The following CNTN5 variants were observed in gnomAD, a reference collection of about 807,000 sequenced individuals.
CNTN5 encodes the protein contactin-5.
Under a neutral mutation model 129.1 loss-of-function variants are expected in CNTN5, and 77 were observed. That is an observed-to-expected ratio of 0.60 (90% CI 0.50 to 0.72). CNTN5 has a LOEUF of 0.72. Among genes scored for constraint, CNTN5 ranks in the 30% least tolerant of loss-of-function variants. The pLI is 0.00. For synonymous variants in CNTN5, 509 were observed against 465.6 expected, an observed-to-expected ratio of 1.09 and a Z score of -1.20; for missense variants, 1,478 against 1,328.8, an observed-to-expected ratio of 1.11 and a Z score of -1.75.
chr11:99,817,150 C>A (rs1395295488), intron 3 of CNTN5, among the ~76,000 whole-genome samples: 1 of 152,126 alleles, frequency 6.6e-6, no homozygotes, highest in Non-Finnish European at 1.5e-5. Context: ...AGGGCTAGGG[C>A]AGGATTATTC....
intron 3 of CNTN5, among the ~76,000 whole-genome samples, chr11:99,740,526 G>A (rs1012412269): frequency 9.2e-5 from 14 of 152,164 alleles, no homozygotes; most frequent in African/African-American, 3.4e-4. Flanking sequence ...TGGAGAGACT[G>A]TGTGTGTTAG....
chr11:99,745,269 AAAAT>A (rs1451922310), intron 3 of CNTN5, among the ~76,000 whole-genome samples: 1 of 152,214 alleles, frequency 6.6e-6, no homozygotes, highest in Non-Finnish European at 1.5e-5. Flanking sequence ...CTGGAAGAAA[AAAAT>A]AAAGCTTCAC....
At chr11:99,510,886 G>A (rs565130369) in intron 2 of CNTN5, among the ~76,000 whole-genome samples, 3 of 152,228 alleles carry the variant, frequency 2.0e-5, no homozygotes, top group African/African-American at 7.2e-5. Context: ...TCTTCAGGAA[G>A]TATTCCAGAG....
intron 20 of CNTN5, among the ~76,000 whole-genome samples, chr11:100,300,876 G>T (rs1329892499): frequency 6.6e-6 from 1 of 151,512 alleles, no homozygotes; most frequent in Admixed American, 6.6e-5. Context: ...TAATGTAAAG[G>T]TTAAAACCAA....
At chr11:100,109,926 C>T (rs575814190) in intron 13 of CNTN5, among the ~76,000 whole-genome samples, 35 of 152,192 alleles carry the variant, frequency 2.3e-4, no homozygotes, top group African/African-American at 8.2e-4. Flanking sequence ...TGCCTGTAAT[C>T]CCAGCATTTT....
intron 1 of CNTN5, among the ~76,000 whole-genome samples, chr11:99,295,634 T>A (rs542876811): frequency 1.3e-5 from 2 of 150,842 alleles, no homozygotes; most frequent in Non-Finnish European, 3.0e-5. Flanking sequence ...CCCAGCACTT[T>A]GGGAGGCCGA....
intron 1 of CNTN5, among the ~76,000 whole-genome samples, chr11:99,315,264 C>T (rs1273669392): frequency 6.7e-6 from 1 of 149,410 alleles, no homozygotes; most frequent in African/African-American, 2.4e-5. Context: ...TGACCTCAGG[C>T]TAAACATTCT....
At position 100,036,366 on chromosome 11, in the gene CNTN5, T is replaced by C. The variant is rs1591099173; in HGVS notation, c.981-24846T>C. 3.3e-5 allele frequency among the ~76,000 whole-genome samples: 5 copies of C among 152,184 alleles called. No homozygotes were observed. The South Asian group carries it at 1.0e-3, about 32-fold the overall frequency. On this transcript the variant is annotated intron_variant, in intron 9 of 24. Coordinates refer to ENST00000524871, the MANE Select transcript of CNTN5 (RefSeq NM_014361.4). ...ACCAGTACCAGGCTATTTTGGTTAC[T>C]GTAGCTTTGTAGTATATTTTGAAGT... is the stretch of plus-strand genomic sequence containing the variant.
rs1285447869 is a variant in CNTN5 at position 100,027,127 on chromosome 11, A to G, written c.980+24991A>G. ...AACTGTTTTAATGTTCTTGTTTACT[A>G]ACTCCATCATATGTGTCATTTTTAT... is the stretch of plus-strand genomic sequence containing the variant. On this transcript the variant is annotated intron_variant, in intron 9 of 24. Transcript: ENST00000524871. Among the ~76,000 whole-genome samples the G allele has an allele frequency of 6.6e-5, 10 of 152,292 alleles. No individual in the cohort carries two copies. The East Asian group carries it at 1.5e-3, about 24-fold the overall frequency.
At chr11:99,233,293 A>C (rs73532947) in intron 1 of CNTN5, among the ~76,000 whole-genome samples, 1 of 152,328 alleles carries the variant, frequency 6.6e-6, no homozygotes, top group Non-Finnish European at 1.5e-5. Flanking sequence ...TTTTTCTCTT[A>C]ACTTTCTTGT....
chr11:99,982,733 C>CG (rs1938425590), intron 8 of CNTN5, among the ~76,000 whole-genome samples: 2 of 152,076 alleles, frequency 1.3e-5, no homozygotes, highest in Non-Finnish European at 2.9e-5. Context: ...TTCATCCTCC[C>CG]GGGTTCACGC....
intron 3 of CNTN5, among the ~76,000 whole-genome samples, chr11:99,765,338 A>G (rs1383838332): frequency 6.6e-6 from 1 of 151,824 alleles, no homozygotes; most frequent in African/African-American, 2.4e-5. Flanking sequence ...CACCATCAGC[A>G]TCATGTGTTT....
At chr11:99,749,738 A>G (rs1430213464) in intron 3 of CNTN5, among the ~76,000 whole-genome samples, 1 of 152,344 alleles carries the variant, frequency 6.6e-6, no homozygotes, top group African/African-American at 2.4e-5. Flanking sequence ...ATTTCCTACT[A>G]TATTTTCATC....
chr11:99,524,697 A>T (rs950443585), intron 2 of CNTN5, among the ~76,000 whole-genome samples: 1 of 151,896 alleles, frequency 6.6e-6, no homozygotes, highest in Non-Finnish European at 1.5e-5. Flanking sequence ...CAGCTACTCG[A>T]GAGGCTTAGG....
intron 2 of CNTN5, among the ~76,000 whole-genome samples, chr11:99,409,491 A>G (rs1942290551): frequency 6.6e-6 from 1 of 152,224 alleles, no homozygotes; most frequent in African/African-American, 2.4e-5. Context: ...AAATAAATAA[A>G]TAAAGGCACT....
chr11:99,096,964 A>G (rs1215582900), intron 1 of CNTN5, among the ~76,000 whole-genome samples: 2 of 151,918 alleles, frequency 1.3e-5, no homozygotes, highest in Non-Finnish European at 2.9e-5. Context: ...TCCTGTTATA[A>G]GAATTTAAAA....
At chr11:99,392,919 T>A (rs530301708) in intron 2 of CNTN5, among the ~76,000 whole-genome samples, 45 of 152,002 alleles carry the variant, frequency 3.0e-4, no homozygotes, top group Admixed American at 9.2e-4. Context: ...CAATTCACTA[T>A]AAAATGACAA....
chr11:99,156,360 G>GATTAA (rs1860332732), intron 1 of CNTN5, among the ~76,000 whole-genome samples: 1 of 151,934 alleles, frequency 6.6e-6, no homozygotes, highest in Non-Finnish European at 1.5e-5. Flanking sequence ...ACAATAATTG[G>GATTAA]ATTTTTTTAT....
At chr11:99,048,774 T>G (rs139244655) in intron 1 of CNTN5, among the ~76,000 whole-genome samples, 1 of 152,156 alleles carries the variant, frequency 6.6e-6, no homozygotes, top group Admixed American at 6.5e-5. Context: ...CTTAATCCAG[T>G]GAAATGAATA....
Sources: allele counts gnomAD v4.1 joint callset (sites outside exome capture counted in the v4.1 genomes callset), GRCh38; gene constraint gnomAD v4.1.1; transcripts MANE v1.5; gene names NCBI Gene and HGNC (gene_info 2026-07-23, HGNC 2026-07-21).